KCNJ10: variants seen among roughly 807,000 people sequenced by gnomAD.
KCNJ10 encodes the protein ATP-sensitive inward rectifier potassium channel 10.
In KCNJ10, 9 loss-of-function variants were observed where a neutral mutation model predicts 22.2. That is an observed-to-expected ratio of 0.40 (90% CI 0.24 to 0.71). The LOEUF (loss-of-function observed/expected upper bound fraction) is 0.71. KCNJ10 is among the 30% of genes least tolerant of loss of function. The pLI is 0.35. For synonymous variants in KCNJ10, 184 were observed against 187.3 expected, an observed-to-expected ratio of 0.98 and a Z score of 0.15; for missense variants, 337 against 482.7, an observed-to-expected ratio of 0.70 and a Z score of 2.83.
intron 1 of KCNJ10, among the ~76,000 whole-genome samples, chr1:160,060,935 C>A (rs746651227): frequency 6.6e-6 from 1 of 152,264 alleles, no homozygotes; most frequent in Admixed American, 6.5e-5. Context: ...ATCCAGAGTT[C>A]GTAGCAGGAG....
chr1:160,046,124 C>T (rs1648736833), intron 1 of KCNJ10, among the ~76,000 whole-genome samples: 1 of 152,168 alleles, frequency 6.6e-6, no homozygotes. Context: ...ATTCAGGGAT[C>T]CTTTACTGAA....
intron 1 of KCNJ10, among the ~76,000 whole-genome samples, chr1:160,043,928 G>T (rs558860689): frequency 1.3e-5 from 2 of 152,352 alleles, no homozygotes; most frequent in South Asian, 2.1e-4. Flanking sequence ...GTGGAGCAGG[G>T]TGATCTCTGG....
chr1:160,069,945 C>G (rs948209319), intron 1 of KCNJ10, 77 bp downstream of exon 1: 5 of 152,630 alleles, frequency 3.3e-5, no homozygotes, highest in Non-Finnish European at 5.8e-5. Flanking sequence ...GATCTGGGAC[C>G]CCGATGTCTC....
At chr1:160,055,526 C>T (rs926286692) in intron 1 of KCNJ10, among the ~76,000 whole-genome samples, 2 of 152,120 alleles carry the variant, frequency 1.3e-5, no homozygotes, top group Admixed American at 6.5e-5. Flanking sequence ...AGTAGCTCTG[C>T]CATTTCTAGG....
chr1:160,044,901 C>T (rs1648703471), intron 1 of KCNJ10: 1 of 151,898 alleles, frequency 6.6e-6, no homozygotes, highest in Non-Finnish European at 1.5e-5. Context: ...GTACTCCCAG[C>T]TACTTGGAGG....
chr1:160,061,898 G>A (rs924575314), intron 1 of KCNJ10, among the ~76,000 whole-genome samples: 10 of 151,968 alleles, frequency 6.6e-5, no homozygotes, highest in African/African-American at 1.7e-4. Context: ...GTGTGGGGCC[G>A]CATAGATGAG....
At chr1:160,061,882 A>G (rs112553784) in intron 1 of KCNJ10, among the ~76,000 whole-genome samples, 2,502 of 151,178 alleles carry the variant, frequency 0.017, 61 homozygotes, top group African/African-American at 0.058. Flanking sequence ...GTGTGTTGGG[A>G]GCCGTGTGTG....
At chr1:160,046,347 A>G (rs983852281) in intron 1 of KCNJ10, among the ~76,000 whole-genome samples, 4 of 152,194 alleles carry the variant, frequency 2.6e-5, no homozygotes, top group East Asian at 3.8e-4. Flanking sequence ...CTTTGCCCCA[A>G]GTAGATTAGT....
rs1557970345 is a variant in KCNJ10, at chr1:160,049,680, TATATA to T, written c.1-7153_1-7149del. Among the ~76,000 whole-genome samples the T allele has an allele frequency of 5.4e-3, 388 of 71,340 alleles. 4 individuals are homozygous for T. In the East Asian group the frequency reaches 0.069, roughly 13 times the overall value. The allele number at this position is 71,340 out of a possible 152,430, so 46.8% of individuals were successfully genotyped here. A position where few individuals can be genotyped will look rare whatever the true frequency, so the allele number is the denominator to read the frequency against. On this transcript the variant is annotated intron_variant, in intron 1 of 1. Transcript: ENST00000644903. ...GGATCCAGCATTTTATTTATTTATATATATATATATATATATATATATATATATAT... is the reference window on the plus strand; with the variant it reads ...GGATCCAGCATTTTATTTATTTATATTATATATATATATATATATATATAT...
chr1:160,066,572 A>G (rs1649326822), intron 1 of KCNJ10, among the ~76,000 whole-genome samples: 1 of 152,182 alleles, frequency 6.6e-6, no homozygotes, highest in Non-Finnish European at 1.5e-5. Context: ...TCCTCACAGC[A>G]GTTATGAGCC....
At chr1:160,057,118 A>G (rs1424140761) in intron 1 of KCNJ10, among the ~76,000 whole-genome samples, 1 of 152,186 alleles carries the variant, frequency 6.6e-6, no homozygotes, top group Non-Finnish European at 1.5e-5. Flanking sequence ...AAAACCTTCC[A>G]CTATGTGGTC....
At chr1:160,061,419 G>A (rs1649189874) in intron 1 of KCNJ10, among the ~76,000 whole-genome samples, 1 of 152,100 alleles carries the variant, frequency 6.6e-6, no homozygotes, top group Non-Finnish European at 1.5e-5. Flanking sequence ...TGCCAGCGAG[G>A]CCAGGTGGGG....
intron 1 of KCNJ10, among the ~76,000 whole-genome samples, chr1:160,047,964 C>G (rs1648786680): frequency 6.6e-6 from 1 of 152,244 alleles, no homozygotes; most frequent in Non-Finnish European, 1.5e-5. Context: ...TGGTCTCAAA[C>G]TCCCGGACTT....
At chr1:160,058,481 A>C (rs1267852221) in intron 1 of KCNJ10, among the ~76,000 whole-genome samples, 1 of 152,222 alleles carries the variant, frequency 6.6e-6, no homozygotes, top group African/African-American at 2.4e-5. Context: ...AGAAAACTTC[A>C]GGCCTAAGCC....
Position 160,042,314 on chromosome 1 carries a change from C to T in KCNJ10, c.219G>A (p.Ala73=), listed in dbSNP as rs144495959. 269 of 1,613,432 alleles carry T rather than the reference C, an allele frequency of 1.7e-4. No individual in the cohort carries two copies. Among genetic ancestry groups the T allele is most frequent in the Non-Finnish European group, 2.2e-4 (255 of 1,179,506 alleles). The change falls in exon 2 of 2, where the codon GCG becomes GCA. Residue 73 remains alanine, a synonymous_variant. Transcript: ENST00000644903. The part of the protein sequence containing the change: ...QWRYKLLLFS[A]TFAGTWFLFG... ...AGAGGAACCATGTGCCTGCAAAGGT[C>T]GCAGAGAAGAGCAGAAGCTTGTAGC...
rs1648612257 is a variant in KCNJ10, at chr1:160,041,747, G to A, written c.786C>T (p.Thr262=). 6 of 1,614,142 alleles carry A rather than the reference G, an allele frequency of 3.7e-6. No individual in the cohort carries two copies. Among genetic ancestry groups the A allele is most frequent in the Non-Finnish European group, 5.1e-6 (6 of 1,179,996 alleles). Reference sequence around the variant, plus strand: ...GAAGAGGGAGATCTTTCAAGGGACTGGTCTCATCTACCACATGATAGAAGG... The same window carrying A: ...GAAGAGGGAGATCTTTCAAGGGACTAGTCTCATCTACCACATGATAGAAGG... ...PLTFYHVVDE[T]SPLKDLPLRS... Residue 262 remains threonine (T), a synonymous_variant, in exon 2 of 2, where the codon ACC becomes ACT. Transcript: ENST00000644903. This position sits in a 1 kb window ranked among gnomAD's most constrained non-coding sequence, Gnocchi z 4.4.
Position 160,042,426 on chromosome 1 carries a change from C to T in KCNJ10, c.107G>A (p.Arg36His), listed in dbSNP as rs779913708. Residue 36 changes from arginine to histidine, a missense_variant, in exon 2 of 2, where the codon CGC becomes CAC. Transcript: ENST00000644903. ...AATGTGCTCCATTCTCACGTTGCTG[C>T]GACCATCTTTTGTCAGGACTCTCCG... ...RRRRVLTKDGRSNVRMEHIAD... is the reference protein window; with the variant it reads ...RRRRVLTKDGHSNVRMEHIAD... 2.0e-5 allele frequency: 33 copies of T among 1,614,082 alleles called. No homozygotes were observed. The highest frequency in any genetic ancestry group is 8.9e-5 in the East Asian group (4 of 44,898).
intron 1 of KCNJ10, among the ~76,000 whole-genome samples, chr1:160,046,233 T>TAGTCTATAA (rs1488714001): frequency 6.6e-6 from 1 of 152,216 alleles, no homozygotes; most frequent in Non-Finnish European, 1.5e-5. Context: ...CCCAAAATAT[T>TAGTCTATAA]AGTCTATAAT....
At position 160,042,471 on chromosome 1, in the gene KCNJ10, A is replaced by G. The variant is rs878854483; in HGVS notation, c.62T>C (p.Met21Thr). 1.2e-6 allele frequency: 2 copies of G among 1,613,994 alleles called. No homozygotes were observed. The highest frequency in any genetic ancestry group is 1.3e-5 in the African/African-American group (1 of 74,956). The change falls in exon 2 of 2, where the codon ATG (methionine) becomes ACG (threonine). Residue 21 changes from methionine to threonine, a missense_variant. This residue lies in a region of KCNJ10 where 107 missense variants were observed against 135.2 expected (regional missense o/e 0.79). Coordinates refer to ENST00000644903, the MANE Select transcript of KCNJ10 (RefSeq NM_002241.5). The part of the protein sequence containing the change: ...QTTQTESRPL[M>T]GPGIRRRRVL... ...TCTCCGCCGTCGTATCCCTGGGCCC[A>G]TTAGGGGCCGGCTTTCTGTCTGAGT... is the stretch of plus-strand genomic sequence containing the variant.
Sources: gnomAD v4.1 joint callset for allele counts (sites outside exome capture counted in the v4.1 genomes callset) on GRCh38, gnomAD v4.1.1 for gene constraint, gnomAD v4.1.1 regional missense constraint, Gnocchi (gnomAD v3.1) non-coding constraint, MANE v1.5 for transcripts, NCBI Gene and HGNC (gene_info 2026-07-23, HGNC 2026-07-21) for gene names.